The following OXR1 variants were observed in gnomAD, a reference collection of about 807,000 sequenced individuals.
OXR1 encodes oxidation resistance 1.
A neutral mutation model predicts 104.6 loss-of-function variants in OXR1; 41 were observed. The observed-to-expected ratio is 0.39, with a 90% CI of 0.31 to 0.51. The LOEUF is 0.51. OXR1 is among the 20% of genes least tolerant of loss of function. The probability of loss-of-function intolerance (pLI) is 0.77; values close to 1 mark genes in which losing one functional copy is unlikely to be tolerated. For synonymous variants in OXR1, 348 were observed against 348.4 expected, an observed-to-expected ratio of 1.00 and a Z score of 0.01; for missense variants, 955 against 1,031.9, an observed-to-expected ratio of 0.93 and a Z score of 1.02.
intron 3 of OXR1, among the ~76,000 whole-genome samples, chr8:106,590,847 C>T (rs1332616120): frequency 3.3e-5 from 5 of 152,180 alleles, no homozygotes; most frequent in East Asian, 1.9e-4. Context: ...GCTCAGCTGG[C>T]GGGTGAGCTG....
At chr8:106,590,159 C>T (rs985760289) in intron 3 of OXR1, among the ~76,000 whole-genome samples, 2 of 152,214 alleles carry the variant, frequency 1.3e-5, no homozygotes, top group Non-Finnish European at 2.9e-5. Context: ...CAAAGAGTTA[C>T]GATTTCTTCA....
intron 3 of OXR1, among the ~76,000 whole-genome samples, chr8:106,613,265 A>C (rs955618791): frequency 2.6e-5 from 4 of 152,226 alleles, no homozygotes; most frequent in Admixed American, 2.0e-4. Flanking sequence ...GGCTGCTCTC[A>C]AACGTATAGT....
intron 1 of OXR1, among the ~76,000 whole-genome samples, chr8:106,291,224 G>C (rs992774986): frequency 4.6e-5 from 7 of 152,106 alleles, no homozygotes; most frequent in African/African-American, 1.4e-4. Flanking sequence ...TTATAAATTG[G>C]AGCTAAATAT....
chr8:106,374,806 A>G (rs1816845738), intron 2 of OXR1, among the ~76,000 whole-genome samples: 1 of 152,206 alleles, frequency 6.6e-6, no homozygotes, highest in South Asian at 2.1e-4. Context: ...CTATGAGCTC[A>G]TAGCAGAAGG....
intron 2 of OXR1, among the ~76,000 whole-genome samples, chr8:106,447,164 G>C (rs1820045734): frequency 6.6e-6 from 1 of 152,126 alleles, no homozygotes; most frequent in African/African-American, 2.4e-5. Flanking sequence ...TAAATTAAAA[G>C]TCAAACGTTA....
chr8:106,420,779 C>A (rs1210476015), intron 2 of OXR1, among the ~76,000 whole-genome samples: 1 of 143,172 alleles, frequency 7.0e-6, no homozygotes, highest in Non-Finnish European at 1.5e-5. Flanking sequence ...GCCTTTTTTT[C>A]AGTTTACCCT....
intron 3 of OXR1, among the ~76,000 whole-genome samples, chr8:106,672,241 G>A (rs1233993696): frequency 6.6e-6 from 1 of 151,598 alleles, no homozygotes; most frequent in Non-Finnish European, 1.5e-5. Context: ...ACTTTGGGAG[G>A]CCAAAGTGAG....
At chr8:106,448,329 T>C (rs1586653583) in intron 2 of OXR1, among the ~76,000 whole-genome samples, 1 of 152,208 alleles carries the variant, frequency 6.6e-6, no homozygotes, top group Admixed American at 6.5e-5. Context: ...CCTTTCAAAG[T>C]CATAGTTCTT....
intron 2 of OXR1, among the ~76,000 whole-genome samples, chr8:106,385,607 T>C (rs1333671551): frequency 1.3e-5 from 2 of 152,176 alleles, no homozygotes; most frequent in African/African-American, 4.8e-5. Context: ...ATAGACATAA[T>C]AAATGCACAG....
chr8:106,572,612 A>T (rs190586393), intron 3 of OXR1, among the ~76,000 whole-genome samples: 5 of 152,266 alleles, frequency 3.3e-5, no homozygotes, highest in Admixed American at 1.3e-4. Flanking sequence ...GCAAGTTCTA[A>T]CTTTCACAAA....
intron 16 of OXR1, among the ~76,000 whole-genome samples, chr8:106,747,313 G>A (rs1835471607): frequency 6.6e-6 from 1 of 152,178 alleles, no homozygotes; most frequent in African/African-American, 2.4e-5. Flanking sequence ...TATAATTTTT[G>A]TGCAAATCCT....
intron 3 of OXR1, among the ~76,000 whole-genome samples, chr8:106,606,184 T>C (rs1820368778): frequency 6.6e-6 from 1 of 152,196 alleles, no homozygotes. Flanking sequence ...TTGCCTTTTC[T>C]AGCTTCTAGA....
At chr8:106,545,048 G>A (rs191895574) in intron 3 of OXR1, among the ~76,000 whole-genome samples, 9 of 152,154 alleles carry the variant, frequency 5.9e-5, no homozygotes, top group East Asian at 3.9e-4. Flanking sequence ...AAGCGGTCCC[G>A]TGCACTACAG....
chr8:106,322,928 A>G (rs1814286657), intron 1 of OXR1, among the ~76,000 whole-genome samples: 1 of 152,222 alleles, frequency 6.6e-6, no homozygotes, highest in Non-Finnish European at 1.5e-5. Flanking sequence ...CATGGACAGG[A>G]AGAATCAGTA....
At chr8:106,728,217 G>GAA (rs1164061309) in intron 11 of OXR1, among the ~76,000 whole-genome samples, 13,290 of 85,420 alleles carry the variant, frequency 0.16, 847 homozygotes, top group Non-Finnish European at 0.22. Flanking sequence ...TTCTAAACTG[G>GAA]AAAAAAAAAA....
intron 1 of OXR1, among the ~76,000 whole-genome samples, chr8:106,316,375 A>T (rs546149534): frequency 6.6e-6 from 1 of 152,032 alleles, no homozygotes; most frequent in African/African-American, 2.4e-5. Context: ...GAAGGCTACA[A>T]TCAATCTTTA....
chr8:106,441,524 G>T (rs180736636), intron 2 of OXR1, among the ~76,000 whole-genome samples: 1 of 152,124 alleles, frequency 6.6e-6, no homozygotes, highest in Non-Finnish European at 1.5e-5. Context: ...CCATTTTCAC[G>T]ACATTGATTT....
chr8:106,499,710 C>T (rs1027268784), intron 2 of OXR1, among the ~76,000 whole-genome samples: 12 of 152,094 alleles, frequency 7.9e-5, no homozygotes, highest in Non-Finnish European at 1.3e-4. Context: ...GAGTTTTATT[C>T]TATGTTTCAT....
chr8:106,566,445 G>T (rs1296003272), intron 3 of OXR1, among the ~76,000 whole-genome samples: 2 of 152,154 alleles, frequency 1.3e-5, no homozygotes, highest in Admixed American at 1.3e-4. Context: ...TGTTAGAATG[G>T]TGATCATTAA....
Sources: gnomAD v4.1 joint callset for allele counts (sites outside exome capture counted in the v4.1 genomes callset) on GRCh38, gnomAD v4.1.1 for gene constraint, MANE v1.5 for transcripts, NCBI Gene and HGNC (gene_info 2026-07-23, HGNC 2026-07-21) for gene names.